LRP1B: variants seen among roughly 807,000 people sequenced by gnomAD.
The protein encoded by LRP1B is LDL receptor related protein 1B, also known as low-density lipoprotein receptor-related protein 1B.
In LRP1B, 217 loss-of-function variants were observed where a neutral mutation model predicts 556.6. The observed-to-expected ratio is 0.39, with a 90% CI of 0.35 to 0.44. The LOEUF is 0.44. Among genes scored for constraint, LRP1B ranks in the 20% least tolerant of loss-of-function variants. The probability of loss-of-function intolerance (pLI) is 1.00; values close to 1 mark genes in which losing one functional copy is unlikely to be tolerated. For synonymous variants in LRP1B, 2,047 were observed against 1,865.8 expected, an observed-to-expected ratio of 1.10 and a Z score of -2.50; for missense variants, 5,053 against 5,620.8, an observed-to-expected ratio of 0.90 and a Z score of 3.23.
intron 51 of LRP1B, among the ~76,000 whole-genome samples, chr2:140,511,290 GTCTTTTTTTTT>G (rs1271286627): frequency 9.7e-5 from 8 of 82,622 alleles, no homozygotes; most frequent in African/African-American, 4.6e-4. Flanking sequence ...TCCTCTAAGG[GTCTTTTTTTTT>G]TTTTTTTTTT....
chr2:141,988,704 C>T (rs1327347884), intron 1 of LRP1B, among the ~76,000 whole-genome samples: 3 of 152,030 alleles, frequency 2.0e-5, no homozygotes, highest in Non-Finnish European at 4.4e-5. Context: ...CAGTGGTGCT[C>T]CTTAGTTGAT....
intron 1 of LRP1B, among the ~76,000 whole-genome samples, chr2:141,945,119 C>T (rs991875191): frequency 4.6e-5 from 7 of 152,100 alleles, no homozygotes; most frequent in Non-Finnish European, 8.8e-5. Context: ...GTTTTTGGAG[C>T]AGACAACAGT....
intron 6 of LRP1B, among the ~76,000 whole-genome samples, chr2:141,195,119 A>C (rs148567897): frequency 2.6e-5 from 4 of 152,100 alleles, no homozygotes; most frequent in African/African-American, 9.7e-5. Flanking sequence ...ATGATGGAGT[A>C]TGATTTCTGA....
intron 3 of LRP1B, among the ~76,000 whole-genome samples, chr2:141,405,814 T>C (rs1410405406): frequency 6.6e-6 from 1 of 152,126 alleles, no homozygotes; most frequent in East Asian, 1.9e-4. Flanking sequence ...AGTTTTTAAT[T>C]TCCCTGCTGC....
chr2:141,660,885 A>G (rs546482573), intron 2 of LRP1B, among the ~76,000 whole-genome samples: 40 of 152,166 alleles, frequency 2.6e-4, no homozygotes, highest in Admixed American at 1.7e-3. Flanking sequence ...GAGACCCCCA[A>G]TCACCAGACA....
chr2:141,963,234 A>T (rs1389720175), intron 1 of LRP1B, among the ~76,000 whole-genome samples: 4 of 151,900 alleles, frequency 2.6e-5, no homozygotes, highest in Non-Finnish European at 4.4e-5. Flanking sequence ...GGATAACAAG[A>T]GTATAGGTAC....
chr2:141,106,982 TG>T (rs933414082), intron 7 of LRP1B, among the ~76,000 whole-genome samples: 6 of 152,120 alleles, frequency 3.9e-5, no homozygotes, highest in Middle Eastern at 3.4e-3. Context: ...ATAAACTAAT[TG>T]TTTTTTTTTT....
At chr2:140,485,303 C>A (rs2105362280) in intron 59 of LRP1B, 40 bp downstream of exon 59, 2 of 1,501,048 alleles carry the variant, frequency 1.3e-6, no homozygotes, top group Non-Finnish European at 1.8e-6. Context: ...TGAATGTAAT[C>A]CAGTCTTAAA....
chr2:140,683,363 T>C, intron 41 of LRP1B: 1 of 492,708 alleles, frequency 2.0e-6, no homozygotes, highest in Non-Finnish European at 4.0e-6. Context: ...ACACACAATC[T>C]TCAGCATCAT....
chr2:140,717,306 G>T (rs1574276230), intron 35 of LRP1B, among the ~76,000 whole-genome samples: 1 of 152,136 alleles, frequency 6.6e-6, no homozygotes, highest in East Asian at 1.9e-4. Flanking sequence ...ATTATATCAA[G>T]AGTGTTTTAA....
At chr2:141,888,603 C>T (rs183245644) in intron 1 of LRP1B, among the ~76,000 whole-genome samples, 95 of 152,156 alleles carry the variant, frequency 6.2e-4, no homozygotes, top group African/African-American at 2.0e-3. Flanking sequence ...GGATGAAATA[C>T]CTTCCACAGA....
rs190950052 is a variant in LRP1B, at chr2:141,757,581, C to A, written c.205+52698G>T. On this transcript the variant is annotated intron_variant, in intron 2 of 90. Transcript: ENST00000389484. ...TATAACTAATTTTTTTTGAGACAAT[C>A]TTGCTCTGTCACCCAGGATGGAATG... Among the ~76,000 whole-genome samples the A allele has an allele frequency of 2.6e-5, 4 of 152,184 alleles. No individual in the cohort carries two copies. In the East Asian group the frequency reaches 5.8e-4, roughly 22 times the overall value.
intron 3 of LRP1B, among the ~76,000 whole-genome samples, chr2:141,273,009 T>C (rs1685145964): frequency 6.6e-6 from 1 of 152,132 alleles, no homozygotes; most frequent in African/African-American, 2.4e-5. Context: ...AATAGCAGAA[T>C]ACCTATTGCA....
chr2:141,141,838 G>A (rs11690062), intron 7 of LRP1B, among the ~76,000 whole-genome samples: 11,970 of 152,114 alleles, frequency 0.079, 615 homozygotes, highest in Middle Eastern at 0.18. Context: ...CAATCTGTAT[G>A]TGAAAAAATA....
chr2:142,058,726 G>C (rs1367635882), intron 1 of LRP1B, among the ~76,000 whole-genome samples: 2 of 151,888 alleles, frequency 1.3e-5, no homozygotes, highest in Non-Finnish European at 2.9e-5. Flanking sequence ...CACGTACTTG[G>C]TGTTCAGCAC....
Position 141,247,238 on chromosome 2 carries a change from T to C in LRP1B, c.580A>G (p.Lys194Glu), listed in dbSNP as rs1363350698. Residue 194 changes from lysine to glutamate, a missense_variant, in exon 5 of 91, where the codon AAG becomes GAG. Coordinates refer to ENST00000389484, the MANE Select transcript of LRP1B (RefSeq NM_018557.3). The part of the protein sequence containing the change: ...YLMQPDNRSC[K>E]AKIEPTDRPP... ...GGTCATAACTTACCAATTTTAGCCTTGCAAGATCTGTTGTCTGGCTGCATT... is the reference window on the plus strand; with the variant it reads ...GGTCATAACTTACCAATTTTAGCCTCGCAAGATCTGTTGTCTGGCTGCATT... The C allele has an allele frequency of 6.2e-7, 1 of 1,613,708 alleles. No individual in the cohort carries two copies. The highest frequency in any genetic ancestry group is 8.5e-7 in the Non-Finnish European group (1 of 1,179,748).
intron 2 of LRP1B, among the ~76,000 whole-genome samples, chr2:141,770,570 G>C (rs549131600): frequency 6.6e-6 from 1 of 152,196 alleles, no homozygotes; most frequent in South Asian, 2.1e-4. Context: ...CTTTTTTATT[G>C]CCAGAAATGC....
At position 141,539,901 on chromosome 2, in the gene LRP1B, G is replaced by A. The variant is rs138756733; in HGVS notation, c.206-59368C>T. ...ATGGGACCTACAAAAGTAAGCCACA[G>A]GCCAAATTTAGTTTTCCACGTCCTA... On this transcript the variant is annotated intron_variant, in intron 2 of 90. Transcript: ENST00000389484. Among the ~76,000 whole-genome samples the A allele has an allele frequency of 1.5e-3, 230 of 152,134 alleles. 2 individuals carry two copies. The highest frequency in any genetic ancestry group is 5.3e-3 in the African/African-American group (222 of 41,520).
chr2:140,659,564 T>C (rs1203847996), intron 41 of LRP1B, among the ~76,000 whole-genome samples: 1 of 152,042 alleles, frequency 6.6e-6, no homozygotes, highest in East Asian at 1.9e-4. Context: ...AGTGGACTTA[T>C]ATTCAAACAC....
Sources: gnomAD v4.1 joint callset for allele counts (sites outside exome capture counted in the v4.1 genomes callset) on GRCh38, gnomAD v4.1.1 for gene constraint, MANE v1.5 for transcripts, NCBI Gene and HGNC (gene_info 2026-07-23, HGNC 2026-07-21) for gene names.